Variants in CFAP92 observed in about 807,000 individuals in gnomAD.
The protein encoded by CFAP92 is uncharacterized protein CFAP92.
In CFAP92, 86 loss-of-function variants were observed where a neutral mutation model predicts 106.3. The observed-to-expected ratio is 0.81, with a 90% CI of 0.68 to 0.97. CFAP92 has a LOEUF of 0.97. Ranked by LOEUF, CFAP92 falls within the 50% of genes least tolerant of loss-of-function variation. The pLI is 0.00. For synonymous variants in CFAP92, 477 were observed against 506.4 expected (o/e 0.94, Z 0.78); for missense variants, 1,204 against 1,283.8 (o/e 0.94, Z 0.95).
rs1683816 is a variant in CFAP92 at position 128,932,352 on chromosome 3, T to C, written c.2751+348A>G. On this transcript the variant is annotated intron_variant, in intron 12 of 15. Transcript: ENST00000645291. ...TTGCTTGGACATCTTATGACACTTATGCCCTGAGCAGCGTAAGCAACATGT... is the reference window on the plus strand; with the variant it reads ...TTGCTTGGACATCTTATGACACTTACGCCCTGAGCAGCGTAAGCAACATGT... Among the ~76,000 whole-genome samples, 900 of 149,948 alleles carry C rather than the reference T, an allele frequency of 6.0e-3. 4 individuals carry two copies. Among genetic ancestry groups the C allele is most frequent in the Non-Finnish European group, 9.5e-3 (646 of 67,768 alleles).
At chr3:128,961,807 A>G (rs150721825) in intron 9 of CFAP92, among the ~76,000 whole-genome samples, 11,672 of 152,274 alleles carry the variant, frequency 0.077, 593 homozygotes, top group Middle Eastern at 0.13. Context: ...AAACCCCACA[A>G]CAGGATTGAA....
intron 9 of CFAP92, among the ~76,000 whole-genome samples, chr3:128,964,939 A>AT (rs1942259058): frequency 6.6e-6 from 1 of 152,188 alleles, no homozygotes; most frequent in Non-Finnish European, 1.5e-5. Flanking sequence ...TATTTGTCTT[A>AT]TTAATATAAG....
At chr3:128,913,131 TCA>T (rs745823903) in intron 15 of CFAP92, 1 of 438,572 alleles carries the variant, frequency 2.3e-6, no homozygotes, top group South Asian at 1.6e-5. Context: ...GCTGTACTTG[TCA>T]CACTGTTCCT....
At chr3:128,950,621 G>C (rs914003097) in intron 9 of CFAP92, among the ~76,000 whole-genome samples, 1 of 152,204 alleles carries the variant, frequency 6.6e-6, no homozygotes, top group African/African-American at 2.4e-5. Flanking sequence ...CAGCAAAAGA[G>C]ACAAAGCAAA....
At chr3:128,975,632 G>T in intron 7 of CFAP92, 147 bp downstream of exon 7, 1 of 676,880 alleles carries the variant, frequency 1.5e-6, no homozygotes. Flanking sequence ...GGATGCATAA[G>T]TTGAAAATGT....
At chr3:129,002,871 G>C (rs1203576475), upstream of CFAP92, among the ~76,000 whole-genome samples, 1 of 152,204 alleles carries the variant, frequency 6.6e-6, no homozygotes, top group Non-Finnish European at 1.5e-5. Flanking sequence ...CTCACACTGT[G>C]GATCAGGCAC....
rs1938570809 is a variant in CFAP92, at chr3:128,933,016, G to A, written c.2454-19C>T. 1 of 1,535,140 alleles carries A rather than the reference G, an allele frequency of 6.5e-7. No homozygotes were observed. Among genetic ancestry groups the A allele is most frequent in the Admixed American group, 2.0e-5 (1 of 50,966 alleles). ...GTGGATCCTGGAACAAAGAACCACT[G>A]CCCCACTGAACCTCTCCTACCTTGC... On this transcript the variant is annotated intron_variant, in intron 11 of 15. Transcript: ENST00000645291.
At chr3:128,993,465 C>T (rs1944347989) in intron 1 of CFAP92, 129 bp from the exon 2 acceptor site, 1 of 912,592 alleles carries the variant, frequency 1.1e-6, no homozygotes, top group Non-Finnish European at 1.6e-6. Context: ...AGATGAACGC[C>T]GGGGCTCCTT....
At chr3:128,970,344 A>T (rs1334032556) in intron 8 of CFAP92, 1 of 152,172 alleles carries the variant, frequency 6.6e-6, no homozygotes, top group Non-Finnish European at 1.5e-5. Context: ...GCACCTGTGG[A>T]ACTGAACTGG....
At chr3:128,981,770 T>C (rs746665318) in intron 4 of CFAP92, among the ~76,000 whole-genome samples, 17 of 152,234 alleles carry the variant, frequency 1.1e-4, no homozygotes, top group Non-Finnish European at 2.2e-4. Context: ...GGCTGTAGCA[T>C]GGATGTTGAA....
intron 9 of CFAP92, among the ~76,000 whole-genome samples, chr3:128,961,649 C>T (rs923107820): frequency 2.6e-4 from 39 of 152,274 alleles, no homozygotes; most frequent in African/African-American, 8.2e-4. Context: ...AATATAAAAA[C>T]CCAACCCAGT....
upstream of CFAP92, among the ~76,000 whole-genome samples, chr3:128,998,512 TG>T: frequency 6.6e-6 from 1 of 152,332 alleles, no homozygotes; most frequent in South Asian, 2.1e-4. Flanking sequence ...TTCTGGGCTC[TG>T]GATAGAACAA....
At chr3:128,933,145 A>T (rs1938585579) in intron 11 of CFAP92, 148 bp from the exon 12 acceptor site, 1 of 750,796 alleles carries the variant, frequency 1.3e-6, no homozygotes, top group African/African-American at 1.8e-5. Context: ...CTCCAATTCC[A>T]GTCTGCTGAG....
chr3:128,953,886 C>T (rs1464882135), intron 9 of CFAP92, among the ~76,000 whole-genome samples: 5 of 117,320 alleles, frequency 4.3e-5, no homozygotes, highest in East Asian at 5.1e-4. Context: ...GGATTGCAGA[C>T]GGAGTCTCGT....
At chr3:128,958,152 T>C (rs1941592913) in intron 9 of CFAP92, among the ~76,000 whole-genome samples, 1 of 152,208 alleles carries the variant, frequency 6.6e-6, no homozygotes, top group African/African-American at 2.4e-5. Context: ...TCTTTCCAAA[T>C]AAGATCACAT....
At chr3:128,980,112 T>C (rs1474317967) in intron 4 of CFAP92, among the ~76,000 whole-genome samples, 1 of 151,844 alleles carries the variant, frequency 6.6e-6, no homozygotes, top group African/African-American at 2.4e-5. Flanking sequence ...GGCTCATGCC[T>C]GTAATACCAG....
intron 9 of CFAP92, among the ~76,000 whole-genome samples, chr3:128,953,447 G>A (rs924614592): frequency 1.1e-4 from 16 of 152,240 alleles, no homozygotes; most frequent in East Asian, 5.8e-4. Context: ...CCCAGGAGGC[G>A]GAGCTTGCAG....
chr3:128,911,861 ACCCTGCAGTG>A (rs1342254606), intron 15 of CFAP92, among the ~76,000 whole-genome samples: 2 of 152,152 alleles, frequency 1.3e-5, no homozygotes, highest in African/African-American at 4.8e-5. Flanking sequence ...ATCCAAAATG[ACCCTGCAGTG>A]CCCTGCAGAG....
In CFAP92 at chr3:128,971,152, C is replaced by T; in HGVS notation, c.1168+135G>A. The T allele has an allele frequency of 3.5e-6, 5 of 1,425,130 alleles. No individual in the cohort carries two copies. The South Asian group carries it at 6.2e-5, about 18-fold the overall frequency. 88.3% of individuals were successfully genotyped at this position (1,425,130 alleles called of 1,614,324 possible). A position where few individuals can be genotyped will look rare whatever the true frequency, so the allele number is the denominator to read the frequency against. ...CCCCCTGTACTATGAAGCCAATTCC[C>T]CTGAGTTTCCTGAGGTGGCTGTGAG... On this transcript the variant is annotated intron_variant, in intron 8 of 15. Coordinates refer to ENST00000645291, the MANE Select transcript of CFAP92 (RefSeq NM_001394090.1).
Sources: gnomAD v4.1 joint callset for allele counts (sites outside exome capture counted in the v4.1 genomes callset) on GRCh38, gnomAD v4.1.1 for gene constraint, MANE v1.5 for transcripts, NCBI Gene and HGNC (gene_info 2026-07-23, HGNC 2026-07-21) for gene names.